Variants in DCC observed in about 807,000 individuals in gnomAD.
DCC encodes the protein netrin receptor DCC.
A neutral mutation model predicts 172.5 loss-of-function variants in DCC; 58 were observed. The ratio of observed to expected loss-of-function variants is 0.34; its 90% confidence interval spans 0.27 to 0.42. The LOEUF (loss-of-function observed/expected upper bound fraction) is 0.42. Among genes scored for constraint, DCC ranks in the 10% least tolerant of loss-of-function variants. The pLI, the probability that DCC is intolerant of heterozygous loss-of-function variation, is 1.00. For missense variants in DCC, 1,740 were observed against 1,791.0 expected (o/e 0.97, Z 0.51); for synonymous variants, 709 against 644.5 (o/e 1.10, Z -1.52).
chr18:52,794,712 T>A (rs186395197), intron 2 of DCC, among the ~76,000 whole-genome samples: 1 of 152,248 alleles, frequency 6.6e-6, no homozygotes, highest in South Asian at 2.1e-4. Flanking sequence ...GTCTTTTAGT[T>A]GTTAAAGGAA....
At chr18:53,087,645 G>A (rs567328988) in intron 7 of DCC, among the ~76,000 whole-genome samples, 1 of 152,106 alleles carries the variant, frequency 6.6e-6, no homozygotes. Flanking sequence ...TGTTGCCATT[G>A]TTTTTGGTGT....
chr18:52,814,943 G>C (rs770623552), intron 2 of DCC, among the ~76,000 whole-genome samples: 1 of 152,144 alleles, frequency 6.6e-6, no homozygotes, highest in African/African-American at 2.4e-5. Flanking sequence ...TTTCTGAGTT[G>C]CTTGAAAGAC....
At chr18:52,579,487 G>A (rs1415885071) in intron 1 of DCC, among the ~76,000 whole-genome samples, 1 of 152,116 alleles carries the variant, frequency 6.6e-6, no homozygotes. Context: ...TCCTAGAATA[G>A]TAATAATAGT....
intron 1 of DCC, among the ~76,000 whole-genome samples, chr18:52,509,233 T>C (rs1408512565): frequency 6.6e-6 from 1 of 152,246 alleles, no homozygotes; most frequent in Non-Finnish European, 1.5e-5. Context: ...GTGGTATTAC[T>C]ATTTTAGCTC....
chr18:52,943,269 T>G (rs1167711483), intron 5 of DCC, among the ~76,000 whole-genome samples: 1 of 152,214 alleles, frequency 6.6e-6, no homozygotes, highest in African/African-American at 2.4e-5. Context: ...CTTTCTCCTT[T>G]GGATTTCATT....
chr18:52,430,647 A>T (rs747574625), intron 1 of DCC, among the ~76,000 whole-genome samples: 3 of 152,202 alleles, frequency 2.0e-5, no homozygotes, highest in Non-Finnish European at 4.4e-5. Context: ...AATGACAAAG[A>T]GGAGCTGTGC....
chr18:53,419,739 C>T (rs1212927094), intron 21 of DCC, among the ~76,000 whole-genome samples: 1 of 152,072 alleles, frequency 6.6e-6, no homozygotes, highest in Admixed American at 6.6e-5. Flanking sequence ...GAAAGTGAAG[C>T]TCAGAGAGAT....
intron 1 of DCC, among the ~76,000 whole-genome samples, chr18:52,433,701 T>A (rs1020162259): frequency 6.6e-6 from 1 of 152,224 alleles, no homozygotes; most frequent in Admixed American, 6.5e-5. Context: ...ATCTATTCTT[T>A]AAATGTAACT....
intron 2 of DCC, among the ~76,000 whole-genome samples, chr18:52,817,803 A>ATATATATGTGTG (rs375371359): frequency 9.8e-4 from 149 of 151,534 alleles, no homozygotes; most frequent in African/African-American, 2.3e-3. Context: ...ATATATATAT[A>ATATATATGTGTG]TGTGTGTGTG....
chr18:52,635,225 C>G (rs1598973541), intron 1 of DCC, among the ~76,000 whole-genome samples: 1 of 152,162 alleles, frequency 6.6e-6, no homozygotes, highest in East Asian at 1.9e-4. Flanking sequence ...ACACCTCTCT[C>G]CAAGAAACTC....
chr18:53,495,375 G>A (rs1235466456), intron 26 of DCC, among the ~76,000 whole-genome samples: 1 of 123,542 alleles, frequency 8.1e-6, no homozygotes, highest in Admixed American at 9.0e-5. Context: ...GGGTAACAGA[G>A]CAAGACTCCA....
chr18:52,373,888 A>ATTTTT (rs1296846491), intron 1 of DCC, among the ~76,000 whole-genome samples: 5 of 127,334 alleles, frequency 3.9e-5, no homozygotes, highest in African/African-American at 6.0e-5. Flanking sequence ...TGGTTGCATC[A>ATTTTT]TTTTTTTTTT....
chr18:53,399,384 C>G (rs1386170253), intron 18 of DCC, among the ~76,000 whole-genome samples: 1 of 152,014 alleles, frequency 6.6e-6, no homozygotes, highest in Admixed American at 6.6e-5. Flanking sequence ...ATGGAATTCC[C>G]AACTGATATT....
chr18:53,351,424 GTGTATATATATATACAGTGTA>G (rs2057806945), intron 15 of DCC, among the ~76,000 whole-genome samples: 3 of 18,794 alleles, frequency 1.6e-4, no homozygotes, highest in African/African-American at 5.5e-4. Context: ...TATACACACT[GTGTATATATATATACAGTGTA>G]TATATATATA....
chr18:53,050,571 G>A (rs928592562), intron 5 of DCC, among the ~76,000 whole-genome samples: 2 of 151,826 alleles, frequency 1.3e-5, no homozygotes, highest in African/African-American at 4.8e-5. Context: ...TTTGACTCTC[G>A]GCCTGGATGT....
At position 53,461,055 on chromosome 18, in the gene DCC, G is replaced by T. The variant is rs541199143; in HGVS notation, c.3619+1597G>T. ...AGTGATGGTGAACATTTTTTCATGT[G>T]TTTTTTGGCTGCATAAATGTCTTCT... is the stretch of plus-strand genomic sequence containing the variant. On this transcript the variant is annotated intron_variant, in intron 24 of 28. Coordinates refer to ENST00000442544, the MANE Select transcript of DCC (RefSeq NM_005215.4). Among the ~76,000 whole-genome samples the T allele has an allele frequency of 5.8e-3, 882 of 152,246 alleles. 6 individuals carry two copies. The highest frequency in any genetic ancestry group is 0.02 in the African/African-American group (835 of 41,536).
rs1208344598 is a variant in DCC, at chr18:53,063,347, A to T, written c.1028A>T (p.Tyr343Phe). Residue 343 changes from tyrosine to phenylalanine, a missense_variant, in exon 6 of 29, where the codon TAT becomes TTT. By Grantham distance (22) the Tyr-to-Phe change is conservative. Transcript: ENST00000442544. ...FLNHPSNLYA[Y>F]ESMDIEFECT... ...AATCATCCTTCCAACCTGTATGCCT[A>T]TGAAAGCATGGATATTGAGTTTGAA... The T allele has an allele frequency of 2.5e-6, 4 of 1,613,378 alleles. No individual in the cohort carries two copies. In the East Asian group the frequency reaches 8.9e-5, roughly 36 times the overall value.
intron 13 of DCC, 122 bp downstream of exon 13, chr18:53,305,841 A>G (rs2057193886): frequency 9.4e-6 from 9 of 960,196 alleles, no homozygotes; most frequent in Admixed American, 7.2e-5. Context: ...GGTGACATCT[A>G]TTGGCTGGAA....
At chr18:53,190,127 T>C (rs1185352816) in intron 9 of DCC, among the ~76,000 whole-genome samples, 8 of 152,084 alleles carry the variant, frequency 5.3e-5, no homozygotes, top group Non-Finnish European at 1.5e-5. Flanking sequence ...GGTTTCTCCA[T>C]GTTGGTCAGG....
Sources: allele counts gnomAD v4.1 joint callset (sites outside exome capture counted in the v4.1 genomes callset), GRCh38; gene constraint gnomAD v4.1.1; transcripts MANE v1.5; gene names NCBI Gene and HGNC (gene_info 2026-07-23, HGNC 2026-07-21).